ROBO1: variants seen among roughly 807,000 people sequenced by gnomAD.
The protein encoded by ROBO1 is roundabout guidance receptor 1.
ROBO1 carries 149 observed loss-of-function variants against 195.9 expected under a neutral mutation model. That is an observed-to-expected ratio of 0.76 (90% CI 0.67 to 0.87). ROBO1 has a LOEUF of 0.87. Ranked by LOEUF, ROBO1 falls within the 40% of genes least tolerant of loss-of-function variation. The probability of loss-of-function intolerance (pLI) is 0.00; values close to 1 mark genes in which losing one functional copy is unlikely to be tolerated. For synonymous variants in ROBO1, 816 were observed against 733.2 expected (o/e 1.11, Z -1.82); for missense variants, 1,933 against 2,068.3 (o/e 0.93, Z 1.27).
intron 2 of ROBO1, among the ~76,000 whole-genome samples, chr3:79,197,110 T>C (rs1431161935): frequency 6.6e-6 from 1 of 151,872 alleles, no homozygotes; most frequent in East Asian, 1.9e-4. Context: ...TACATAGGTA[T>C]ACACATGCCA....
chr3:78,887,010 A>C (rs1040806774), intron 4 of ROBO1, among the ~76,000 whole-genome samples: 2 of 152,216 alleles, frequency 1.3e-5, no homozygotes, highest in East Asian at 1.9e-4. Context: ...TTCTGTATGC[A>C]TATTTCAGTT....
intron 2 of ROBO1, among the ~76,000 whole-genome samples, chr3:79,566,782 CAG>C (rs1280799878): frequency 2.0e-5 from 3 of 152,066 alleles, no homozygotes; most frequent in African/African-American, 7.2e-5. Flanking sequence ...AAAAAAATAA[CAG>C]ATGCTGGAGA....
At chr3:79,550,195 G>GAAAGGAAAGAAAGAAAAGAAAAGAAAA in intron 2 of ROBO1, among the ~76,000 whole-genome samples, 14 of 100,838 alleles carry the variant, frequency 1.4e-4, no homozygotes, top group African/African-American at 5.1e-4. Flanking sequence ...AAGAAAGAAA[G>GAAAGGAAAGAAAGAAAAGAAAAGAAAA]GAAAAGAAAA....
rs1575783289 is a variant in ROBO1, at chr3:78,617,817, G to A, written c.4100C>T (p.Thr1367Met). 1 of 1,613,880 alleles carries A rather than the reference G, an allele frequency of 6.2e-7. No homozygotes were observed. Among genetic ancestry groups the A allele is most frequent in the South Asian group, 1.1e-5 (1 of 91,086 alleles). Residue 1367 changes from threonine (T) to methionine (M), a missense_variant, in exon 27 of 31, where the codon ACG becomes ATG. Physicochemically the swap from Thr to Met is moderately conservative, Grantham distance 81. This residue lies in a region of ROBO1 where 1,737 missense variants were observed against 1,882.5 expected (regional missense o/e 0.92). Coordinates refer to ENST00000464233, the MANE Select transcript of ROBO1 (RefSeq NM_002941.4). The stretch of plus-strand genomic sequence containing the variant: ...GCCCCAGCCGTTGATCATGGACCCC[G>A]TGACAGAGCTCTCCAGGTCCCCAAC... ...SSVGDLESSV[T>M]GSMINGWGSA...
chr3:78,978,200 A>G (rs1458501386), intron 3 of ROBO1, among the ~76,000 whole-genome samples: 3 of 152,130 alleles, frequency 2.0e-5, no homozygotes, highest in African/African-American at 7.2e-5. Flanking sequence ...GATTAAAAAA[A>G]CCAGTAAACA....
intron 2 of ROBO1, among the ~76,000 whole-genome samples, chr3:79,545,330 T>A (rs530532688): frequency 6.6e-6 from 1 of 152,276 alleles, no homozygotes; most frequent in East Asian, 1.9e-4. Flanking sequence ...ACCTTCTCAA[T>A]CACTAAAGCA....
chr3:79,641,560 TAAATA>T, intron 1 of ROBO1, among the ~76,000 whole-genome samples: 1 of 151,398 alleles, frequency 6.6e-6, no homozygotes, highest in South Asian at 2.1e-4. Context: ...AAATAAATAA[TAAATA>T]AAAAAAATAA....
rs527423609 is a variant in ROBO1 at position 79,533,430 on chromosome 3, G to T, written c.88+56394C>A. On this transcript the variant is annotated intron_variant, in intron 2 of 30. Coordinates refer to ENST00000464233, the MANE Select transcript of ROBO1 (RefSeq NM_002941.4). ...TTTCTTTAAGTATGTTCCTCTTATAGTTAGCCAATAGCTGAAGTGACATCA... is the reference window on the plus strand; with the variant it reads ...TTTCTTTAAGTATGTTCCTCTTATATTTAGCCAATAGCTGAAGTGACATCA... 2.6e-5 allele frequency among the ~76,000 whole-genome samples: 4 copies of T among 152,158 alleles called. No homozygotes were observed. The South Asian group carries it at 8.3e-4, about 32-fold the overall frequency.
At chr3:79,409,474 A>G (rs1331332151) in intron 2 of ROBO1, among the ~76,000 whole-genome samples, 4 of 152,168 alleles carry the variant, frequency 2.6e-5, no homozygotes, top group Non-Finnish European at 5.9e-5. Context: ...AATATATTTC[A>G]CAAGTTCCCC....
chr3:78,807,918 T>TTGCTCAAAC (rs5850393), intron 4 of ROBO1, among the ~76,000 whole-genome samples: 105,114 of 136,800 alleles, frequency 0.77, 36,850 homozygotes, highest in South Asian at 0.83. Flanking sequence ...GAACAAACAT[T>TTGCTCAAAC]TGCTAAACAC....
At chr3:79,611,898 A>G (rs1224567579) in intron 1 of ROBO1, among the ~76,000 whole-genome samples, 1 of 152,112 alleles carries the variant, frequency 6.6e-6, no homozygotes, top group Non-Finnish European at 1.5e-5. Context: ...AACAACAACA[A>G]AAAAAGAATA....
chr3:79,135,784 T>A (rs2080396455), intron 2 of ROBO1, among the ~76,000 whole-genome samples: 1 of 151,962 alleles, frequency 6.6e-6, no homozygotes, highest in Non-Finnish European at 1.5e-5. Context: ...ACTGCAGGCA[T>A]GTGGCACCAC....
chr3:78,852,759 A>G (rs1457516513), intron 4 of ROBO1, among the ~76,000 whole-genome samples: 1 of 152,158 alleles, frequency 6.6e-6, no homozygotes, highest in East Asian at 1.9e-4. Context: ...GGAAATGATA[A>G]CTTTGAATTC....
chr3:79,319,228 A>C (rs769076732), intron 2 of ROBO1, among the ~76,000 whole-genome samples: 12 of 152,166 alleles, frequency 7.9e-5, no homozygotes, highest in Non-Finnish European at 1.2e-4. Context: ...TCAGGGTTTA[A>C]TAGGCTCATG....
At chr3:78,738,408 T>G (rs2082443465) in intron 5 of ROBO1, among the ~76,000 whole-genome samples, 1 of 152,216 alleles carries the variant, frequency 6.6e-6, no homozygotes. Context: ...TTATTGGTTT[T>G]GTTTTGTTTT....
chr3:79,310,406 C>T lies in ROBO1; in HGVS notation c.89-184867G>A, dbSNP rs115896450. ...TCCATATGATCAGCCAAATAATGCA[C>T]CTCACTTATCACTGGCAGTTGAATA... is the stretch of plus-strand genomic sequence containing the variant. On this transcript the variant is annotated intron_variant, in intron 2 of 30. Transcript: ENST00000464233. Among the ~76,000 whole-genome samples the T allele has an allele frequency of 7.8e-3, 1,186 of 152,252 alleles. 14 individuals carry two copies. The highest frequency in any genetic ancestry group is 0.025 in the African/African-American group (1,051 of 41,550).
intron 4 of ROBO1, among the ~76,000 whole-genome samples, chr3:78,827,598 A>T (rs1320118883): frequency 6.6e-6 from 1 of 152,010 alleles, no homozygotes; most frequent in East Asian, 1.9e-4. Flanking sequence ...ATGTGTGTGT[A>T]TCTATCTGTC....
At chr3:79,532,250 C>T (rs911241917) in intron 2 of ROBO1, among the ~76,000 whole-genome samples, 3 of 151,724 alleles carry the variant, frequency 2.0e-5, no homozygotes, top group Non-Finnish European at 2.9e-5. Context: ...ACTAAGTCCA[C>T]GTAAAGTGAC....
intron 3 of ROBO1, among the ~76,000 whole-genome samples, chr3:79,005,212 C>T (rs1214815918): frequency 6.6e-6 from 1 of 152,194 alleles, no homozygotes; most frequent in Non-Finnish European, 1.5e-5. Flanking sequence ...ATTACTGCAC[C>T]TGACCTCTTC....
Sources: gnomAD v4.1 joint callset for allele counts (sites outside exome capture counted in the v4.1 genomes callset) on GRCh38, gnomAD v4.1.1 for gene constraint, gnomAD v4.1.1 regional missense constraint, MANE v1.5 for transcripts, NCBI Gene and HGNC (gene_info 2026-07-23, HGNC 2026-07-21) for gene names.